XKR9: variants seen among roughly 807,000 people sequenced by gnomAD.
The protein encoded by XKR9 is XK-related protein 9.
XKR9 carries 32 observed loss-of-function variants against 32.0 expected under a neutral mutation model. The ratio of observed to expected loss-of-function variants is 1.00; its 90% CI spans 0.76 to 1.34. The LOEUF (loss-of-function observed/expected upper bound fraction) is 1.34. Among genes scored for constraint, XKR9 ranks in the 40% most tolerant of loss-of-function variants. The pLI is 0.00. For synonymous variants in XKR9, 168 were observed against 143.4 expected, an observed-to-expected ratio of 1.17 and a Z score of -1.22; for missense variants, 546 against 429.7, an observed-to-expected ratio of 1.27 and a Z score of -2.39.
At chr8:70,843,671 A>G in the XKR9 span, among the ~76,000 whole-genome samples, 3 of 152,092 alleles carry the variant, frequency 2.0e-5, no homozygotes, top group Non-Finnish European at 2.9e-5. Context: ...GAGTAAGTGA[A>G]AGACCACGAG....
chr8:70,671,021 A>T (rs1451774040), intron 1 of XKR9, among the ~76,000 whole-genome samples: 8 of 152,172 alleles, frequency 5.3e-5, no homozygotes, highest in African/African-American at 1.9e-4. Flanking sequence ...TCTTTGGCTT[A>T]ATTAATTTCC....
At chr8:70,873,340 T>C in the XKR9 span, among the ~76,000 whole-genome samples, 1 of 152,208 alleles carries the variant, frequency 6.6e-6, no homozygotes, top group Non-Finnish European at 1.5e-5. Context: ...AATAAGGCTA[T>C]AGCTGCCTTA....
intron 4 of XKR9, among the ~76,000 whole-genome samples, chr8:70,713,204 A>G: frequency 6.6e-6 from 1 of 152,188 alleles, no homozygotes; most frequent in East Asian, 1.9e-4. Flanking sequence ...TGAATGAGTT[A>G]CTGCTAGGTC....
At chr8:71,059,796 G>T in the XKR9 span, among the ~76,000 whole-genome samples, 221 of 152,154 alleles carry the variant, frequency 1.5e-3, no homozygotes, top group Non-Finnish European at 2.7e-3. Flanking sequence ...GGAGAGGGGA[G>T]GATCGTTCCT....
chr8:71,061,241 C>A, the XKR9 span, among the ~76,000 whole-genome samples: 1 of 152,156 alleles, frequency 6.6e-6, no homozygotes, highest in African/African-American at 2.4e-5. Context: ...ACATCCCTGC[C>A]TTTCTTGAGG....
At chr8:70,917,016 C>T in the XKR9 span, among the ~76,000 whole-genome samples, 1 of 152,086 alleles carries the variant, frequency 6.6e-6, no homozygotes, top group Non-Finnish European at 1.5e-5. Context: ...TATGTTGCTT[C>T]ACTGTCCATG....
chr8:70,752,422 A>C (rs1298278347), intron 2 of XKR9, among the ~76,000 whole-genome samples: 3 of 152,212 alleles, frequency 2.0e-5, no homozygotes, highest in African/African-American at 4.8e-5. Context: ...ATGATGCATC[A>C]TAACATGGCA....
At chr8:70,708,097 T>C (rs1343083637) in intron 4 of XKR9, among the ~76,000 whole-genome samples, 2 of 152,014 alleles carry the variant, frequency 1.3e-5, no homozygotes, top group Non-Finnish European at 2.9e-5. Flanking sequence ...TCTAATATTT[T>C]ACCTTTACTT....
the XKR9 span, among the ~76,000 whole-genome samples, chr8:70,913,175 G>GCTC: frequency 6.6e-6 from 1 of 152,140 alleles, no homozygotes; most frequent in African/African-American, 2.4e-5. Flanking sequence ...TTTCTGCTGA[G>GCTC]AATAAGAAAC....
chr8:70,725,198 G>T (rs1806422678), intron 4 of XKR9, among the ~76,000 whole-genome samples: 1 of 152,128 alleles, frequency 6.6e-6, no homozygotes, highest in Non-Finnish European at 1.5e-5. Flanking sequence ...TGACATGTCG[G>T]AATTATGGGA....
the XKR9 span, among the ~76,000 whole-genome samples, chr8:70,909,452 C>T: frequency 2.0e-5 from 3 of 152,094 alleles, no homozygotes. Context: ...TGGTCCCACT[C>T]TGTGTTCCAA....
chr8:70,681,625 T>C (rs1819086740), intron 3 of XKR9, among the ~76,000 whole-genome samples: 1 of 152,124 alleles, frequency 6.6e-6, no homozygotes, highest in Non-Finnish European at 1.5e-5. Flanking sequence ...ATCTTCTGTG[T>C]ATATTCTAAG....
the XKR9 span, among the ~76,000 whole-genome samples, chr8:70,915,510 T>A: frequency 6.6e-6 from 1 of 152,178 alleles, no homozygotes; most frequent in Non-Finnish European, 1.5e-5. Flanking sequence ...TCTTTCATTG[T>A]CATGATTTTT....
chr8:70,818,748 T>C, the XKR9 span, among the ~76,000 whole-genome samples: 1 of 152,216 alleles, frequency 6.6e-6, no homozygotes, highest in South Asian at 2.1e-4. Context: ...TGAGTAGTCT[T>C]AGAGACTGTG....
At chr8:70,815,867 C>T in the XKR9 span, among the ~76,000 whole-genome samples, 1 of 152,064 alleles carries the variant, frequency 6.6e-6, no homozygotes, top group Non-Finnish European at 1.5e-5. Context: ...TATATGCGCA[C>T]CACATTTTCT....
chr8:71,058,480 A>G, the XKR9 span, among the ~76,000 whole-genome samples: 2 of 152,226 alleles, frequency 1.3e-5, no homozygotes, highest in Non-Finnish European at 2.9e-5. Flanking sequence ...ATATTACCAC[A>G]TTCCCATTAG....
At chr8:70,860,808 T>C in the XKR9 span, among the ~76,000 whole-genome samples, 1 of 152,002 alleles carries the variant, frequency 6.6e-6, no homozygotes. Flanking sequence ...TGGACTTGGT[T>C]GTGTGACCTG....
chr8:70,727,487 G>A (rs1220278658), intron 4 of XKR9, among the ~76,000 whole-genome samples: 3 of 151,912 alleles, frequency 2.0e-5, no homozygotes, highest in African/African-American at 7.3e-5. Context: ...TGCAACCTCC[G>A]CCTCCCGGAT....
chr8:70,743,925 G>T (rs1235410206), intron 2 of XKR9, among the ~76,000 whole-genome samples: 1 of 151,948 alleles, frequency 6.6e-6, no homozygotes, highest in Non-Finnish European at 1.5e-5. Flanking sequence ...GTGCTTTGAG[G>T]TAATTACCAG....
Sources: gnomAD v4.1 joint callset for allele counts (sites outside exome capture counted in the v4.1 genomes callset) on GRCh38, gnomAD v4.1.1 for gene constraint, MANE v1.5 for transcripts, NCBI Gene and HGNC (gene_info 2026-07-23, HGNC 2026-07-21) for gene names.